The following PCID2 variants were observed in gnomAD, a reference collection of about 807,000 sequenced individuals.
PCID2 encodes the protein PCI domain-containing protein 2.
A neutral mutation model predicts 61.3 loss-of-function variants in PCID2; 41 were observed. The observed-to-expected ratio is 0.67, with a 90% CI of 0.52 to 0.87. The LOEUF is 0.87. PCID2 is among the 40% of genes least tolerant of loss of function. The probability of loss-of-function intolerance (pLI) is 0.00; values close to 1 mark genes in which losing one functional copy is unlikely to be tolerated. For missense variants in PCID2, 392 were observed against 493.4 expected (o/e 0.79, Z 1.95); for synonymous variants, 187 against 177.8 (o/e 1.05, Z -0.41).
intron 3 of PCID2, 116 bp from the exon 4 acceptor site, chr13:113,197,359 G>A: frequency 1.4e-6 from 1 of 725,904 alleles, no homozygotes; most frequent in Non-Finnish European, 2.4e-6. Flanking sequence ...AAGGAGTGAA[G>A]GAAGAAACAC....
At position 113,178,118 on chromosome 13, in the gene PCID2, G is replaced by T. The variant is rs1595138731; in HGVS notation, c.*80C>A. 2 of 941,552 alleles carry T rather than the reference G, an allele frequency of 2.1e-6. No individual in the cohort carries two copies. Among genetic ancestry groups the T allele is most frequent in the African/African-American group, 1.6e-5 (1 of 60,948 alleles). 58.3% of individuals were successfully genotyped at this position (941,552 alleles called of 1,614,324 possible). On this transcript the variant is annotated 3_prime_UTR_variant, in exon 14 of 14. Transcript: ENST00000337344. ...AGTTCCGGCTTCAGGGAGCCTTGTT[G>T]CAGTACCGGACCGGTCTCATCAGCA...
intron 7 of PCID2, 95 bp downstream of exon 7, chr13:113,190,777 A>G: frequency 1.7e-6 from 1 of 586,592 alleles, no homozygotes. Flanking sequence ...GAAATGAAAT[A>G]TGTGTCAACA....
chr13:113,203,152 GGA>G, intron 1 of PCID2, among the ~76,000 whole-genome samples: 1 of 152,336 alleles, frequency 6.6e-6, no homozygotes, highest in East Asian at 1.9e-4. Context: ...GCAGGAGAAG[GGA>G]GAGTCCCATG....
chr13:113,178,897 T>C, intron 13 of PCID2, 69 bp downstream of exon 13: 1 of 1,515,100 alleles, frequency 6.6e-7, no homozygotes, highest in Non-Finnish European at 8.9e-7. Flanking sequence ...ACCACCACAC[T>C]GAAGCTTCAA....
chr13:113,171,985 C>T, the PCID2 span: 1 of 1,613,394 alleles, frequency 6.2e-7, no homozygotes, highest in Non-Finnish European at 8.5e-7. The surrounding 1 kb of genome is among the most constrained non-coding windows in gnomAD (Gnocchi z 5.1). Context: ...CCAGAGAACA[C>T]AGAGGCTCCT....
chr13:113,195,760 A>T (rs1249546762), intron 5 of PCID2, among the ~76,000 whole-genome samples: 3 of 152,234 alleles, frequency 2.0e-5, no homozygotes, highest in African/African-American at 7.2e-5. Flanking sequence ...ATAGTTTGTT[A>T]ATAAATCATA....
chr13:113,187,156 CTA>C (rs1481311584), intron 7 of PCID2: 1 of 152,154 alleles, frequency 6.6e-6, no homozygotes, highest in Non-Finnish European at 1.5e-5. Context: ...CTTCAAAGAG[CTA>C]TGGAAAAACC....
intron 7 of PCID2, among the ~76,000 whole-genome samples, chr13:113,189,045 C>T (rs1410145326): frequency 2.0e-5 from 3 of 151,998 alleles, no homozygotes; most frequent in African/African-American, 4.8e-5. Context: ...TGGGGGTGGA[C>T]CCCTCATGAA....
chr13:113,174,086 AT>A (rs1397639048), downstream of PCID2, among the ~76,000 whole-genome samples: 4 of 151,594 alleles, frequency 2.6e-5, no homozygotes, highest in Non-Finnish European at 5.9e-5. Context: ...AAAAAAAAAA[AT>A]CTTTGCCAAG....
chr13:113,171,763 C>G, the PCID2 span: 1 of 1,612,064 alleles, frequency 6.2e-7, no homozygotes, highest in Non-Finnish European at 8.5e-7. This position sits in a 1 kb window ranked among gnomAD's most constrained non-coding sequence, Gnocchi z 5.1. Flanking sequence ...AGAAAGACTT[C>G]GCTGAGCACC....
chr13:113,184,559 AT>A, intron 8 of PCID2, 72 bp from the exon 9 acceptor site: 3 of 830,526 alleles, frequency 3.6e-6, no homozygotes. Context: ...ATTACTAAGC[AT>A]GTCTCCTTAA....
chr13:113,191,204 C>CT (rs11375563), intron 6 of PCID2, among the ~76,000 whole-genome samples: 4,802 of 147,406 alleles, frequency 0.033, 229 homozygotes, highest in East Asian at 0.21. Flanking sequence ...ATATTTTTTT[C>CT]TTTTTTTTTT....
intron 6 of PCID2, among the ~76,000 whole-genome samples, chr13:113,191,592 T>C (rs1048765368): frequency 6.6e-6 from 1 of 152,150 alleles, no homozygotes; most frequent in African/African-American, 2.4e-5. Context: ...TCAAAACACT[T>C]GAAATAAAAA....
At chr13:113,207,471 G>A (rs543767631) in intron 1 of PCID2, among the ~76,000 whole-genome samples, 1 of 152,180 alleles carries the variant, frequency 6.6e-6, no homozygotes, top group Admixed American at 6.5e-5. Flanking sequence ...CTAAGATTAG[G>A]CCAAAACAGA....
chr13:113,198,392 A>G, intron 2 of PCID2, 128 bp from the exon 3 acceptor site: 1 of 608,920 alleles, frequency 1.6e-6, no homozygotes, highest in Non-Finnish European at 2.8e-6. Flanking sequence ...AACACTTTAT[A>G]TTTACCACTC....
At chr13:113,167,130 T>C in the PCID2 span, among the ~76,000 whole-genome samples, 5 of 152,206 alleles carry the variant, frequency 3.3e-5, no homozygotes, top group Non-Finnish European at 7.3e-5. Context: ...GGGTTGAAGA[T>C]TATCTTTAGA....
At chr13:113,170,577 C>A in the PCID2 span, 1 of 1,104,710 alleles carries the variant, frequency 9.1e-7, no homozygotes, top group Non-Finnish European at 1.4e-6. Context: ...TGGAAATACA[C>A]TATCCTATGT....
intron 13 of PCID2, 129 bp downstream of exon 13, chr13:113,178,837 A>C (rs572642383): frequency 3.3e-5 from 27 of 816,778 alleles, no homozygotes; most frequent in Non-Finnish European, 5.1e-5. Flanking sequence ...TTCCTGGGCT[A>C]AAATTAGTTC....
intron 13 of PCID2, 37 bp from the exon 14 acceptor site, chr13:113,178,324 T>C (rs762040958): frequency 3.6e-5 from 54 of 1,492,464 alleles, no homozygotes; most frequent in Non-Finnish European, 4.7e-5. Flanking sequence ...TTTACATTTT[T>C]GGATCTGAGT....
Sources: allele counts gnomAD v4.1 joint callset (sites outside exome capture counted in the v4.1 genomes callset), GRCh38; gene constraint gnomAD v4.1.1; non-coding constraint Gnocchi (gnomAD v3.1); transcripts MANE v1.5; gene names NCBI Gene and HGNC (gene_info 2026-07-23, HGNC 2026-07-21).